RBM20: variants seen among roughly 807,000 people sequenced by gnomAD.
The protein encoded by RBM20 is RNA-binding protein 20.
A neutral mutation model predicts 110.1 loss-of-function variants in RBM20; 51 were observed. That is an observed-to-expected ratio of 0.46 (90% confidence interval 0.37 to 0.59). RBM20 has a LOEUF of 0.59. RBM20 is among the 20% of genes least tolerant of loss of function. RBM20 has a pLI of 0.00. For missense variants in RBM20, 1,512 were observed against 1,574.9 expected, an observed-to-expected ratio of 0.96 and a Z score of 0.68; for synonymous variants, 589 against 618.2, an observed-to-expected ratio of 0.95 and a Z score of 0.70.
chr10:110,823,575 G>GA lies in RBM20; in HGVS notation c.3414dup (p.Pro1139ThrfsTer7). 1 of 1,551,340 alleles carries GA rather than the reference G, an allele frequency of 6.4e-7. No homozygotes were observed. Among genetic ancestry groups the GA allele is most frequent in the Non-Finnish European group, 8.7e-7 (1 of 1,146,884 alleles). On this transcript the variant is annotated frameshift_variant, in exon 12 of 14. Coordinates refer to ENST00000369519, the MANE Select transcript of RBM20 (RefSeq NM_001134363.3). LOFTEE classifies it high-confidence loss of function. ...ACAGCCCCTTTCTTTGCCCTCTTGG[G>GA]AACCAGAGGATGTGTTCAGTGAACT...
chr10:110,821,001 G>A (rs541404642), intron 10 of RBM20, among the ~76,000 whole-genome samples: 1 of 152,286 alleles, frequency 6.6e-6, no homozygotes, highest in African/African-American at 2.4e-5. Context: ...TTCAAAAACT[G>A]TATATTGAGC....
At chr10:110,815,669 AGACTCTGCCCTGG>A (rs2135111042) in intron 9 of RBM20, among the ~76,000 whole-genome samples, 1 of 152,306 alleles carries the variant, frequency 6.6e-6, no homozygotes, top group East Asian at 1.9e-4. Flanking sequence ...CACACTCCTG[AGACTCTGCCCTGG>A]GAACCTCATT....
chr10:110,730,772 C>T (rs1843612393), intron 1 of RBM20, among the ~76,000 whole-genome samples: 1 of 152,206 alleles, frequency 6.6e-6, no homozygotes, highest in Non-Finnish European at 1.5e-5. Flanking sequence ...CCCCTCCTTC[C>T]TTTGTGTTTC....
At chr10:110,710,657 G>C (rs527553623) in intron 1 of RBM20, among the ~76,000 whole-genome samples, 1 of 152,226 alleles carries the variant, frequency 6.6e-6, no homozygotes, top group Non-Finnish European at 1.5e-5. Flanking sequence ...TTCCCCTTTG[G>C]GGGCAAATGA....
At chr10:110,767,593 G>A (rs1844121209) in intron 1 of RBM20, among the ~76,000 whole-genome samples, 1 of 149,220 alleles carries the variant, frequency 6.7e-6, no homozygotes, top group African/African-American at 2.5e-5. Context: ...CCAGACGGAG[G>A]GTCTCCTCGC....
At chr10:110,695,131 A>G (rs1335449069) in intron 1 of RBM20, among the ~76,000 whole-genome samples, 2 of 152,178 alleles carry the variant, frequency 1.3e-5, no homozygotes, top group African/African-American at 4.8e-5. Context: ...TGACATCCTG[A>G]GGTGCTGAAA....
chr10:110,651,664 G>T (rs1357754905), intron 1 of RBM20, among the ~76,000 whole-genome samples: 1 of 152,172 alleles, frequency 6.6e-6, no homozygotes. Flanking sequence ...ACAGGAGCAC[G>T]GCTGTGGCTA....
chr10:110,812,566 G>A lies in RBM20; in HGVS notation c.2169G>A (p.Leu723=), dbSNP rs1222521370. Residue 723 remains leucine, a synonymous_variant, in exon 9 of 14, where the codon TTG becomes TTA. Transcript: ENST00000369519. ...HHPRQLDKAE[L]DERPEGGRPH... ...CCCGGCAACTGGACAAGGCTGAGTT[G>A]GACGAGCGACCAGAAGGAGGGAGGC... 1 of 1,551,772 alleles carries A rather than the reference G, an allele frequency of 6.4e-7. No homozygotes were observed. The highest frequency in any genetic ancestry group is 2.0e-5 in the Admixed American group (1 of 51,012).
chr10:110,833,011 T>C (rs1845076336), intron 13 of RBM20, among the ~76,000 whole-genome samples: 1 of 152,124 alleles, frequency 6.6e-6, no homozygotes, highest in South Asian at 2.1e-4. Flanking sequence ...ACCTACAGAA[T>C]GGTAAGGATG....
At chr10:110,750,505 G>A (rs780963183) in intron 1 of RBM20, among the ~76,000 whole-genome samples, 74 of 152,342 alleles carry the variant, frequency 4.9e-4, no homozygotes, top group African/African-American at 1.5e-3. Context: ...GGAAGAACGC[G>A]TGGGGAAGAG....
chr10:110,831,341 C>A, intron 13 of RBM20, 159 bp downstream of exon 13: 1 of 669,776 alleles, frequency 1.5e-6, no homozygotes, highest in Non-Finnish European at 2.4e-6. Context: ...CCAAGCACAC[C>A]AGGCTGTTTT....
intron 1 of RBM20, among the ~76,000 whole-genome samples, chr10:110,677,609 C>T (rs370063354): frequency 1.4e-4 from 22 of 152,336 alleles, no homozygotes; most frequent in African/African-American, 4.3e-4. Flanking sequence ...TGAGCCACCG[C>T]GCCCAGCCAA....
At chr10:110,717,658 T>A (rs1196617912) in intron 1 of RBM20, among the ~76,000 whole-genome samples, 1 of 152,230 alleles carries the variant, frequency 6.6e-6, no homozygotes, top group African/African-American at 2.4e-5. Flanking sequence ...CTTGTTCACT[T>A]GTGTTCTGTA....
intron 1 of RBM20, among the ~76,000 whole-genome samples, chr10:110,668,364 A>C (rs1239783876): frequency 6.6e-6 from 1 of 152,192 alleles, no homozygotes; most frequent in Non-Finnish European, 1.5e-5. Context: ...AGCCAGTCAT[A>C]ATACTGAAAA....
chr10:110,671,636 C>T (rs1862259590), intron 1 of RBM20, among the ~76,000 whole-genome samples: 1 of 152,020 alleles, frequency 6.6e-6, no homozygotes. Context: ...ACAGTGTCTA[C>T]CAAAGTATTA....
intron 7 of RBM20, among the ~76,000 whole-genome samples, chr10:110,802,841 T>C (rs1171553088): frequency 8.5e-5 from 13 of 152,212 alleles, no homozygotes; most frequent in Non-Finnish European, 1.5e-5. Context: ...CCATGTGACC[T>C]ATCCTAGATT....
chr10:110,784,233 G>T, intron 3 of RBM20, 108 bp from the exon 4 acceptor site: 1 of 782,508 alleles, frequency 1.3e-6, no homozygotes, highest in African/African-American at 1.7e-5. Context: ...TTGAACACCT[G>T]TTTTCAACTA....
intron 1 of RBM20, among the ~76,000 whole-genome samples, chr10:110,687,676 G>A (rs61864260): frequency 0.014 from 2,164 of 152,328 alleles, 24 homozygotes; most frequent in Non-Finnish European, 0.02. Flanking sequence ...CTCCCACTGC[G>A]TTGCTGTGTG....
intron 1 of RBM20, among the ~76,000 whole-genome samples, chr10:110,714,103 T>C (rs1862980905): frequency 6.6e-6 from 1 of 152,136 alleles, no homozygotes; most frequent in African/African-American, 2.4e-5. Context: ...AGATGGGCTA[T>C]GGGAAGAGGA....
Sources: allele counts gnomAD v4.1 joint callset (sites outside exome capture counted in the v4.1 genomes callset), GRCh38; gene constraint gnomAD v4.1.1; transcripts MANE v1.5; gene names NCBI Gene and HGNC (gene_info 2026-07-23, HGNC 2026-07-21).